The following UMAD1 variants were observed in gnomAD, a reference collection of about 807,000 sequenced individuals.
UMAD1 encodes the protein UBAP1-MVB12-associated (UMA)-domain containing protein 1.
UMAD1 carries 8 observed loss-of-function variants against 6.1 expected under a neutral mutation model. That is an observed-to-expected ratio of 1.30 (90% CI 0.76 to 2.35). The LOEUF (loss-of-function observed/expected upper bound fraction) is 2.35, where lower values mean the gene tolerates loss of function less well. Among genes scored for constraint, UMAD1 ranks in the 30% most tolerant of loss-of-function variants. UMAD1 has a pLI of 0.00. For missense variants in UMAD1, 130 were observed against 78.4 expected (o/e 1.66, Z -2.49); for synonymous variants, 56 against 31.4 (o/e 1.78, Z -2.61).
intron 3 of UMAD1, among the ~76,000 whole-genome samples, chr7:7,869,334 A>G (rs1784294481): frequency 6.6e-6 from 1 of 152,196 alleles, no homozygotes. Flanking sequence ...TTGTTCAAAG[A>G]AGCACGTCTT....
chr7:7,869,168 A>G (rs888260831), intron 3 of UMAD1, among the ~76,000 whole-genome samples: 5 of 152,162 alleles, frequency 3.3e-5, no homozygotes, highest in Admixed American at 1.3e-4. Flanking sequence ...GCCATAGCTT[A>G]TATCACCTTC....
intron 2 of UMAD1, among the ~76,000 whole-genome samples, chr7:7,726,031 A>G (rs1781132145): frequency 6.6e-6 from 1 of 152,226 alleles, no homozygotes; most frequent in Admixed American, 6.5e-5. Context: ...GGAAGGAGAG[A>G]TGGCCAAATG....
intron 1 of UMAD1, among the ~76,000 whole-genome samples, chr7:7,667,643 G>T (rs1284486828): frequency 6.6e-6 from 1 of 152,178 alleles, no homozygotes; most frequent in Non-Finnish European, 1.5e-5. Flanking sequence ...TAGATGTTGT[G>T]CAGGTAGTAA....
intron 3 of UMAD1, among the ~76,000 whole-genome samples, chr7:7,812,842 A>T (rs1783047649): frequency 6.6e-6 from 1 of 150,890 alleles, no homozygotes. Context: ...ATTAGTGGCA[A>T]ATGGTCCTTA....
intron 2 of UMAD1, among the ~76,000 whole-genome samples, chr7:7,788,016 C>T (rs1011709430): frequency 3.3e-5 from 5 of 152,126 alleles, no homozygotes; most frequent in African/African-American, 1.2e-4. Context: ...CCATGTTTGC[C>T]GCAATGCACC....
intron 2 of UMAD1, among the ~76,000 whole-genome samples, chr7:7,727,979 A>G (rs1258737233): frequency 6.6e-6 from 1 of 152,136 alleles, no homozygotes; most frequent in East Asian, 1.9e-4. Flanking sequence ...ATATATATAT[A>G]TCTATTCCAT....
At chr7:7,707,062 T>C (rs991412042) in intron 2 of UMAD1, among the ~76,000 whole-genome samples, 5 of 152,184 alleles carry the variant, frequency 3.3e-5, no homozygotes, top group African/African-American at 4.8e-5. Context: ...TTAATTAGCA[T>C]TGAGGAGTTG....
At chr7:7,692,750 C>T (rs769997724) in intron 2 of UMAD1, among the ~76,000 whole-genome samples, 1 of 152,104 alleles carries the variant, frequency 6.6e-6, no homozygotes, top group Non-Finnish European at 1.5e-5. Flanking sequence ...GTTGGGACTA[C>T]AGGCCTGCGC....
intron 2 of UMAD1, among the ~76,000 whole-genome samples, chr7:7,673,785 G>T (rs1779673867): frequency 6.6e-6 from 1 of 150,928 alleles, no homozygotes; most frequent in Non-Finnish European, 1.5e-5. Context: ...CTTATAAATA[G>T]TACTAACCTT....
intron 2 of UMAD1, among the ~76,000 whole-genome samples, chr7:7,761,982 T>C (rs986396368): frequency 1.3e-5 from 2 of 152,210 alleles, no homozygotes; most frequent in Non-Finnish European, 2.9e-5. Flanking sequence ...TTTAATTGAA[T>C]TGCATTGCTT....
chr7:7,731,143 T>G (rs1781241947), intron 2 of UMAD1, among the ~76,000 whole-genome samples: 1 of 152,052 alleles, frequency 6.6e-6, no homozygotes, highest in Non-Finnish European at 1.5e-5. Context: ...GGACTACAAG[T>G]GCGTGCCACC....
Position 7,818,211 on chromosome 7 carries a change from C to T in UMAD1, c.156+16468C>T, listed in dbSNP as rs1783170464. Among the ~76,000 whole-genome samples, 4 of 152,172 alleles carry T rather than the reference C, an allele frequency of 2.6e-5. No individual in the cohort carries two copies. The South Asian group carries it at 8.3e-4, about 31-fold the overall frequency. ...TGTGTTCTCATCATTTTAACACCCT[C>T]TTATAAGTGAGTACATGCTGTACTT... On this transcript the variant is annotated intron_variant, in intron 3 of 3. Transcript: ENST00000682710.
intron 2 of UMAD1, among the ~76,000 whole-genome samples, chr7:7,749,638 T>A (rs1157509968): frequency 6.6e-6 from 1 of 152,168 alleles, no homozygotes; most frequent in Admixed American, 6.5e-5. Context: ...AAGTCATGAA[T>A]CTTTACTCTC....
intron 3 of UMAD1, among the ~76,000 whole-genome samples, chr7:7,865,154 A>G (rs1368986595): frequency 6.6e-6 from 1 of 152,102 alleles, no homozygotes; most frequent in East Asian, 1.9e-4. Flanking sequence ...CAAATTATCA[A>G]CCTGGAGGAG....
intron 3 of UMAD1, among the ~76,000 whole-genome samples, chr7:7,821,712 G>A (rs1302001353): frequency 2.0e-5 from 3 of 152,246 alleles, no homozygotes; most frequent in African/African-American, 4.8e-5. Flanking sequence ...CGATAGATAC[G>A]GAAGGCTAAG....
At chr7:7,658,914 G>C (rs569217615) in intron 1 of UMAD1, among the ~76,000 whole-genome samples, 35 of 152,134 alleles carry the variant, frequency 2.3e-4, no homozygotes, top group African/African-American at 8.2e-4. Flanking sequence ...GGTAGAATTT[G>C]GCTGTGAATC....
At chr7:7,759,563 T>C (rs1781843916) in intron 2 of UMAD1, among the ~76,000 whole-genome samples, 1 of 152,150 alleles carries the variant, frequency 6.6e-6, no homozygotes, top group African/African-American at 2.4e-5. Flanking sequence ...TAAATGAAAA[T>C]CTAATGTAAA....
At chr7:7,655,268 C>T (rs575016604) in intron 1 of UMAD1, among the ~76,000 whole-genome samples, 2 of 152,238 alleles carry the variant, frequency 1.3e-5, no homozygotes, top group East Asian at 3.9e-4. Context: ...CTCTTTTCAC[C>T]TAGGATTTCC....
In UMAD1 at chr7:7,676,680, C is replaced by T. The variant is rs1337645972; in HGVS notation, c.82+3227C>T. ...TATTTTGGCTAACCCAAACTTTTTA[C>T]TATTTAATAGTTTAAATGTTTTTAA... On this transcript the variant is annotated intron_variant, in intron 2 of 3. Coordinates refer to ENST00000682710, the MANE Select transcript of UMAD1 (RefSeq NM_001302348.2). 2.6e-5 allele frequency among the ~76,000 whole-genome samples: 4 copies of T among 152,126 alleles called. No homozygotes were observed. In the East Asian group the frequency reaches 7.7e-4, roughly 29 times the overall value.
Sources: allele counts gnomAD v4.1 joint callset (sites outside exome capture counted in the v4.1 genomes callset), GRCh38; gene constraint gnomAD v4.1.1; transcripts MANE v1.5; gene names NCBI Gene and HGNC (gene_info 2026-07-23, HGNC 2026-07-21).